Variants in ADTRP observed in about 807,000 individuals in gnomAD.
The protein encoded by ADTRP is androgen dependent TFPI regulating protein, also known as androgen-dependent TFPI-regulating protein.
A neutral mutation model predicts 27.0 loss-of-function variants in ADTRP; 20 were observed. That is an observed-to-expected ratio of 0.74 (90% CI 0.52 to 1.08). ADTRP has a LOEUF of 1.08. ADTRP is among the 50% of genes least tolerant of loss of function. The pLI, the probability that ADTRP is intolerant of heterozygous loss-of-function variation, is 0.00. For missense variants in ADTRP, 251 were observed against 275.0 expected, an observed-to-expected ratio of 0.91 and a Z score of 0.62; for synonymous variants, 101 against 105.2, an observed-to-expected ratio of 0.96 and a Z score of 0.25.
At chr6:11,747,084 C>T (rs1274006656) in intron 3 of ADTRP, among the ~76,000 whole-genome samples, 1 of 152,232 alleles carries the variant, frequency 6.6e-6, no homozygotes, top group East Asian at 1.9e-4. Flanking sequence ...CCACCACACT[C>T]CTGAGAACGC....
At chr6:11,722,426 C>T (rs951947881) in intron 5 of ADTRP, among the ~76,000 whole-genome samples, 3 of 152,040 alleles carry the variant, frequency 2.0e-5, no homozygotes, top group Non-Finnish European at 2.9e-5. Context: ...ATAGATTGGG[C>T]GGAAGATGGC....
At chr6:11,763,847 G>C (rs1297003379) in intron 3 of ADTRP, among the ~76,000 whole-genome samples, 1 of 152,218 alleles carries the variant, frequency 6.6e-6, no homozygotes, top group Non-Finnish European at 1.5e-5. Flanking sequence ...ATTTGGAGCA[G>C]ACACCAAAAG....
At chr6:11,769,060 G>A (rs1017654845) in intron 1 of ADTRP, among the ~76,000 whole-genome samples, 1 of 152,134 alleles carries the variant, frequency 6.6e-6, no homozygotes, top group South Asian at 2.1e-4. Flanking sequence ...CCAAAGCCAG[G>A]AGAAAGAGAA....
At chr6:11,757,960 C>G (rs1328712442) in intron 3 of ADTRP, among the ~76,000 whole-genome samples, 3 of 152,216 alleles carry the variant, frequency 2.0e-5, no homozygotes, top group Non-Finnish European at 4.4e-5. Flanking sequence ...GATCTACTTA[C>G]TCATGGTGCC....
At chr6:11,768,516 G>T in intron 1 of ADTRP, 133 bp from the exon 2 acceptor site, 2 of 1,203,540 alleles carry the variant, frequency 1.7e-6, no homozygotes, top group Non-Finnish European at 1.2e-6. Flanking sequence ...TTTTGGTTGA[G>T]AGCCAATTCA....
intron 1 of ADTRP, among the ~76,000 whole-genome samples, chr6:11,775,948 C>A (rs1016996350): frequency 1.3e-5 from 2 of 152,072 alleles, no homozygotes; most frequent in South Asian, 2.1e-4. Flanking sequence ...AGAATGTGAG[C>A]GTAAGTTGTG....
At chr6:11,724,079 A>C (rs549953122) in intron 4 of ADTRP, among the ~76,000 whole-genome samples, 1 of 151,462 alleles carries the variant, frequency 6.6e-6, no homozygotes, top group East Asian at 1.9e-4. Flanking sequence ...ACAAACAAAC[A>C]AACAAACAAA....
At chr6:11,731,638 A>AC (rs1554112354) in intron 4 of ADTRP, among the ~76,000 whole-genome samples, 2 of 151,540 alleles carry the variant, frequency 1.3e-5, no homozygotes, top group African/African-American at 2.4e-5. Context: ...ACCTTCTCTC[A>AC]TTTTTTCTAG....
chr6:11,778,108 A>T (rs575732391), intron 1 of ADTRP, among the ~76,000 whole-genome samples: 1 of 152,320 alleles, frequency 6.6e-6, no homozygotes, highest in Non-Finnish European at 1.5e-5. Context: ...CCTATAAAAA[A>T]TTGAGGTGGG....
intron 3 of ADTRP, among the ~76,000 whole-genome samples, chr6:11,737,173 C>T (rs2113906711): frequency 6.6e-6 from 1 of 152,174 alleles, no homozygotes; most frequent in South Asian, 2.1e-4. Context: ...TGAAGTCCTT[C>T]TGCCACCCTC....
Position 11,735,625 on chromosome 6 carries a change from G to A in ADTRP, c.449C>T (p.Pro150Leu), listed in dbSNP as rs767636481. ...AEVVLRPHSY[P>L]SKKTGLTLLA... ...CAAGGTGAGTCCTGTCTTCTTTGAT[G>A]GATAGGAGTGAGGCCTGAGGACGAC... is the stretch of plus-strand genomic sequence containing the variant. Residue 150 changes from proline (P) to leucine (L), a missense_variant, in exon 4 of 6, where the codon CCA becomes CTA. Coordinates refer to ENST00000414691, the MANE Select transcript of ADTRP (RefSeq NM_032744.4). 2 of 1,614,124 alleles carry A rather than the reference G, an allele frequency of 1.2e-6. No individual in the cohort carries two copies. Among genetic ancestry groups the A allele is most frequent in the Admixed American group, 1.7e-5 (1 of 60,022 alleles).
intron 5 of ADTRP, among the ~76,000 whole-genome samples, chr6:11,716,481 T>C (rs1255068343): frequency 6.6e-6 from 1 of 151,844 alleles, no homozygotes; most frequent in African/African-American, 2.4e-5. Flanking sequence ...CACATACCCA[T>C]CCACATGCTA....
chr6:11,775,740 T>TC (rs1439056191), intron 1 of ADTRP, among the ~76,000 whole-genome samples: 5 of 152,002 alleles, frequency 3.3e-5, no homozygotes, highest in African/African-American at 1.2e-4. Flanking sequence ...CCCCTTCCAG[T>TC]CCCCTGGGAT....
chr6:11,731,656 C>T (rs1762384970), intron 4 of ADTRP, among the ~76,000 whole-genome samples: 1 of 152,088 alleles, frequency 6.6e-6, no homozygotes, highest in South Asian at 2.1e-4. Context: ...TAGCTCCAAT[C>T]CTGCCGGTCC....
intron 4 of ADTRP, 77 bp downstream of exon 4, chr6:11,735,491 A>C: frequency 3.0e-6 from 3 of 1,004,982 alleles, no homozygotes; most frequent in Non-Finnish European, 3.1e-6. Context: ...ATTCTGACAG[A>C]ACAGTACACA....
chr6:11,738,389 A>T (rs1762612621), intron 3 of ADTRP: 1 of 152,240 alleles, frequency 6.6e-6, no homozygotes, highest in African/African-American at 2.4e-5. Context: ...ACCAACAGGG[A>T]TGCTCTCTTC....
At position 11,723,335 on chromosome 6, in the gene ADTRP, A is replaced by G; in HGVS notation, c.658+14T>C. ...GAAGAAGCGCATCTGTAGCTAAGAAAGAAATACACTGACCCCATTTCCAGT... is the reference window on the plus strand; with the variant it reads ...GAAGAAGCGCATCTGTAGCTAAGAAGGAAATACACTGACCCCATTTCCAGT... On this transcript the variant is annotated intron_variant, in intron 5 of 5. Coordinates refer to ENST00000414691, the MANE Select transcript of ADTRP (RefSeq NM_032744.4). 6.2e-7 allele frequency: 1 copy of G among 1,612,578 alleles called. No individual in the cohort carries two copies. The highest frequency in any genetic ancestry group is 8.5e-7 in the Non-Finnish European group (1 of 1,179,538).
chr6:11,716,164 A>T (rs1250082130), intron 5 of ADTRP, among the ~76,000 whole-genome samples: 1 of 152,000 alleles, frequency 6.6e-6, no homozygotes, highest in East Asian at 1.9e-4. Context: ...AAACTTCTCA[A>T]ATTTCTACCC....
intron 4 of ADTRP, among the ~76,000 whole-genome samples, chr6:11,730,522 G>C (rs1762350626): frequency 6.6e-6 from 1 of 152,172 alleles, no homozygotes; most frequent in South Asian, 2.1e-4. Context: ...CAAGGTGGCT[G>C]GTCCTGGAAC....
Sources: gnomAD v4.1 joint callset for allele counts (sites outside exome capture counted in the v4.1 genomes callset) on GRCh38, gnomAD v4.1.1 for gene constraint, MANE v1.5 for transcripts, NCBI Gene and HGNC (gene_info 2026-07-23, HGNC 2026-07-21) for gene names.